The following GPLD1 variants were observed in gnomAD, a reference collection of about 807,000 sequenced individuals.
GPLD1 encodes phosphatidylinositol-glycan-specific phospholipase D.
In GPLD1, 84 loss-of-function variants were observed where a neutral mutation model predicts 112.6. The observed-to-expected ratio is 0.75, with a 90% confidence interval of 0.63 to 0.89. The LOEUF is 0.89. Among genes scored for constraint, GPLD1 ranks in the 40% least tolerant of loss-of-function variants. The pLI, the probability that GPLD1 is intolerant of heterozygous loss-of-function variation, is 0.00. For missense variants in GPLD1, 1,044 were observed against 1,051.5 expected (o/e 0.99, Z 0.10); for synonymous variants, 386 against 403.8 (o/e 0.96, Z 0.53).
chr6:24,445,922 C>G, intron 18 of GPLD1, 91 bp from the exon 19 acceptor site: 1 of 845,654 alleles, frequency 1.2e-6, no homozygotes, highest in Non-Finnish European at 2.0e-6. Flanking sequence ...TGCACCTCCC[C>G]CCATCCAGGC....
intron 7 of GPLD1, among the ~76,000 whole-genome samples, chr6:24,467,840 G>A (rs557839886): frequency 5.3e-5 from 8 of 152,086 alleles, no homozygotes; most frequent in Non-Finnish European, 7.4e-5. Flanking sequence ...GCTGGGAACC[G>A]TGTAGGGCAA....
chr6:24,435,142 G>C (rs2127315760), intron 22 of GPLD1, among the ~76,000 whole-genome samples: 1 of 151,492 alleles, frequency 6.6e-6, no homozygotes, highest in East Asian at 2.0e-4. Context: ...CTCCCGAGTA[G>C]CTGGGACTAC....
At chr6:24,489,797 G>C (rs1323309623), upstream of GPLD1, among the ~76,000 whole-genome samples, 1 of 152,168 alleles carries the variant, frequency 6.6e-6, no homozygotes, top group African/African-American at 2.4e-5. Flanking sequence ...TGCATCTTCT[G>C]ACCGAGGTTT....
chr6:24,472,453 A>G (rs1232066594), intron 7 of GPLD1, 129 bp downstream of exon 7: 6 of 589,906 alleles, frequency 1.0e-5, no homozygotes, highest in South Asian at 2.3e-5. Flanking sequence ...CTAATATGCA[A>G]TTTTACTTTT....
upstream of GPLD1, chr6:24,489,660 GT>G: frequency 7.4e-7 from 1 of 1,342,366 alleles, no homozygotes; most frequent in Admixed American, 2.6e-5. Context: ...AAATAATATC[GT>G]TTTCCAATGA....
chr6:24,488,850 T>C (rs1167534396), intron 1 of GPLD1, among the ~76,000 whole-genome samples: 1 of 152,190 alleles, frequency 6.6e-6, no homozygotes, highest in African/African-American at 2.4e-5. Flanking sequence ...ACTGGCTTGC[T>C]GTACCCTTCT....
At chr6:24,462,821 C>CT in intron 10 of GPLD1, 26 bp from the exon 11 acceptor site, 1 of 1,516,372 alleles carries the variant, frequency 6.6e-7, no homozygotes, top group Non-Finnish European at 9.2e-7. Flanking sequence ...AATGAGTTAG[C>CT]CATTTATCTA....
intron 21 of GPLD1, 60 bp downstream of exon 21, chr6:24,437,053 G>T (rs1006371504): frequency 4.1e-6 from 6 of 1,481,104 alleles, no homozygotes; most frequent in Non-Finnish European, 4.7e-6. Context: ...CCCAATTAGG[G>T]GACCCACCCC....
chr6:24,466,571 T>G, intron 10 of GPLD1, 109 bp downstream of exon 10: 1 of 779,974 alleles, frequency 1.3e-6, no homozygotes, highest in Non-Finnish European at 2.1e-6. Flanking sequence ...CTTCATGAGA[T>G]TGTTTTGTTT....
chr6:24,472,204 A>C (rs1763849262), intron 7 of GPLD1, among the ~76,000 whole-genome samples: 2 of 152,356 alleles, frequency 1.3e-5, no homozygotes, highest in Non-Finnish European at 1.5e-5. Flanking sequence ...TAACCTCATT[A>C]GCAATCTGGG....
chr6:24,479,302 G>A (rs942624222), intron 3 of GPLD1, among the ~76,000 whole-genome samples: 5 of 152,126 alleles, frequency 3.3e-5, no homozygotes, highest in African/African-American at 7.2e-5. Context: ...GACCGAAATC[G>A]GCCAGAAGCC....
chr6:24,457,973 C>T (rs147471314), intron 12 of GPLD1, among the ~76,000 whole-genome samples: 3 of 151,954 alleles, frequency 2.0e-5, no homozygotes, highest in African/African-American at 4.8e-5. Flanking sequence ...TGCTAGGAGC[C>T]GTACACCACA....
chr6:24,476,185 TC>T lies in GPLD1; in HGVS notation c.325del (p.Glu109ArgfsTer8). 1.3e-6 allele frequency: 2 copies of T among 1,528,478 alleles called. No homozygotes were observed. The highest frequency in any genetic ancestry group is 1.8e-6 in the Non-Finnish European group (2 of 1,117,226). 94.7% of individuals were successfully genotyped at this position (1,528,478 alleles called of 1,614,324 possible). A position where few individuals can be genotyped will look rare whatever the true frequency, so the allele number is the denominator to read the frequency against. ...YIRENYPLPW[E>X]KDTEKLVAFL... ...GGATTGGAGGACCACGCCTACCTTC[TC>T]CCAGGGAAGGGGATAGTTCTCTCGG... On this transcript the variant is annotated frameshift_variant, in exon 4 of 25. Coordinates refer to ENST00000230036, the MANE Select transcript of GPLD1 (RefSeq NM_001503.4). LOFTEE classifies it high-confidence loss of function.
intron 14 of GPLD1, among the ~76,000 whole-genome samples, chr6:24,453,451 C>T (rs1763159394): frequency 6.6e-6 from 1 of 152,126 alleles, no homozygotes; most frequent in Non-Finnish European, 1.5e-5. Context: ...GACTGGCCAA[C>T]ATGGCAAAAC....
intron 2 of GPLD1, among the ~76,000 whole-genome samples, chr6:24,482,181 C>T (rs1185308021): frequency 6.9e-6 from 1 of 145,978 alleles, no homozygotes; most frequent in African/African-American, 2.6e-5. Context: ...CTCACTGTAA[C>T]CTCTGCCTTC....
Position 24,472,564 on chromosome 6 carries a change from G to A in GPLD1, c.545+18C>T. 1.4e-6 allele frequency: 2 copies of A among 1,468,636 alleles called. No individual in the cohort carries two copies. The highest frequency in any genetic ancestry group is 9.5e-7 in the Non-Finnish European group (1 of 1,049,418). 91.0% of individuals were successfully genotyped at this position (1,468,636 alleles called of 1,614,324 possible). Reference sequence around the variant, plus strand: ...ATGCCACTTAGATACCACATATTTAGATGTACATTGCTCTTACCAGCGTCG... The same window carrying A: ...ATGCCACTTAGATACCACATATTTAAATGTACATTGCTCTTACCAGCGTCG... On this transcript the variant is annotated intron_variant, in intron 7 of 24. Transcript: ENST00000230036.
intron 22 of GPLD1, among the ~76,000 whole-genome samples, chr6:24,434,362 C>T (rs1561827265): frequency 6.6e-6 from 1 of 151,386 alleles, no homozygotes; most frequent in East Asian, 2.0e-4. Flanking sequence ...CATGCCACTG[C>T]ACTCCAGCCT....
chr6:24,482,392 T>C (rs1375540532), intron 2 of GPLD1, among the ~76,000 whole-genome samples: 2 of 152,172 alleles, frequency 1.3e-5, no homozygotes, highest in Non-Finnish European at 1.5e-5. Flanking sequence ...GTGATTCTCC[T>C]GCCTCAGCCT....
chr6:24,446,825 G>C lies in GPLD1; in HGVS notation c.1820+13C>G. On this transcript the variant is annotated intron_variant, in intron 18 of 24. Transcript: ENST00000230036. ...CTGTGTTCATGGTTCCCAGCCCCCA[G>C]CATCAGCCTCACCTGCTGGCATTCT... is the stretch of plus-strand genomic sequence containing the variant. 6.2e-7 allele frequency: 1 copy of C among 1,611,884 alleles called. No individual in the cohort carries two copies. The highest frequency in any genetic ancestry group is 8.5e-7 in the Non-Finnish European group (1 of 1,178,956).
Sources: allele counts gnomAD v4.1 joint callset (sites outside exome capture counted in the v4.1 genomes callset), GRCh38; gene constraint gnomAD v4.1.1; transcripts MANE v1.5; gene names NCBI Gene and HGNC (gene_info 2026-07-23, HGNC 2026-07-21).